PTPRD: variants seen among roughly 807,000 people sequenced by gnomAD.
PTPRD encodes the protein receptor-type tyrosine-protein phosphatase delta.
Under a neutral mutation model 214.5 loss-of-function variants are expected in PTPRD, and 34 were observed. The ratio of observed to expected loss-of-function variants is 0.16; its 90% CI spans 0.12 to 0.21. The LOEUF is 0.21. Among genes scored for constraint, PTPRD ranks in the 10% least tolerant of loss-of-function variants. PTPRD has a pLI of 1.00. For synonymous variants in PTPRD, 1,128 were observed against 845.7 expected (o/e 1.33, Z -5.79); for missense variants, 2,545 against 2,398.7 (o/e 1.06, Z -1.27).
chr9:8,432,837 C>A (rs1378859211), intron 35 of PTPRD, among the ~76,000 whole-genome samples: 1 of 152,186 alleles, frequency 6.6e-6, no homozygotes, highest in African/African-American at 2.4e-5. Flanking sequence ...CATGGATCAT[C>A]ATCATGAACA....
chr9:9,223,197 G>A (rs932170423), intron 9 of PTPRD, among the ~76,000 whole-genome samples: 1 of 151,988 alleles, frequency 6.6e-6, no homozygotes, highest in African/African-American at 2.4e-5. Flanking sequence ...CTGAGTAACT[G>A]AGGAATAGAG....
chr9:8,314,958 T>TAA lies in PTPRD; in HGVS notation c.*2914_*2915dup, dbSNP rs1239734131. The TAA allele has an allele frequency of 8.6e-6, 2 of 232,442 alleles. No homozygotes were observed. Among genetic ancestry groups the TAA allele is most frequent in the African/African-American group, 4.4e-5 (2 of 45,272 alleles). The allele number at this position is 232,442 out of a possible 1,614,324, so 14.4% of individuals were successfully genotyped here. A position where few individuals can be genotyped will look rare whatever the true frequency, so the allele number is the denominator to read the frequency against. ...AATCATTTTTAAAAAAGAGCTAAAA[T>TAA]AAAGTTCTGTACAAATCACTTTTTA... On this transcript the variant is annotated 3_prime_UTR_variant, in exon 46 of 46. Coordinates refer to ENST00000381196, the MANE Select transcript of PTPRD (RefSeq NM_002839.4).
intron 5 of PTPRD, among the ~76,000 whole-genome samples, chr9:9,848,762 C>T (rs1010552188): frequency 1.3e-5 from 2 of 152,040 alleles, no homozygotes; most frequent in Non-Finnish European, 2.9e-5. Context: ...AAAGTGTGCT[C>T]ATGTAGACAG....
chr9:9,511,899 T>C (rs2096718733), intron 8 of PTPRD, among the ~76,000 whole-genome samples: 1 of 151,754 alleles, frequency 6.6e-6, no homozygotes, highest in African/African-American at 2.4e-5. Flanking sequence ...AGCAAATTTT[T>C]CATAGAAGAC....
At chr9:9,299,564 T>A (rs1350826851) in intron 9 of PTPRD, among the ~76,000 whole-genome samples, 1 of 151,760 alleles carries the variant, frequency 6.6e-6, no homozygotes, top group East Asian at 1.9e-4. Context: ...GGACTGCAGA[T>A]TATTTATAAC....
At chr9:8,701,711 G>A (rs957981684) in intron 12 of PTPRD, among the ~76,000 whole-genome samples, 1 of 152,018 alleles carries the variant, frequency 6.6e-6, no homozygotes, top group South Asian at 2.1e-4. Flanking sequence ...GTCACCCTTG[G>A]ATGCCCAATT....
At chr9:8,349,330 A>T (rs1292329741) in intron 39 of PTPRD, among the ~76,000 whole-genome samples, 2 of 152,080 alleles carry the variant, frequency 1.3e-5, no homozygotes, top group Non-Finnish European at 2.9e-5. Context: ...TTTTGTTTGA[A>T]TTTCCAAGTT....
At chr9:9,847,503 C>T (rs34924894) in intron 5 of PTPRD, among the ~76,000 whole-genome samples, 1 of 152,018 alleles carries the variant, frequency 6.6e-6, no homozygotes, top group African/African-American at 2.4e-5. Context: ...TTGAAAATAA[C>T]GTCCCTGTTC....
intron 35 of PTPRD, among the ~76,000 whole-genome samples, chr9:8,435,255 A>G (rs1349673286): frequency 1.3e-5 from 2 of 152,138 alleles, no homozygotes; most frequent in African/African-American, 4.8e-5. Context: ...TCACTGCTCT[A>G]TGTTCTCTTA....
At chr9:9,536,483 T>A (rs1246902859) in intron 8 of PTPRD, among the ~76,000 whole-genome samples, 1 of 152,038 alleles carries the variant, frequency 6.6e-6, no homozygotes, top group Non-Finnish European at 1.5e-5. Flanking sequence ...ATCAGTAATA[T>A]CCATGCATCT....
chr9:9,898,312 G>T (rs1790334553), intron 5 of PTPRD, among the ~76,000 whole-genome samples: 1 of 152,028 alleles, frequency 6.6e-6, no homozygotes, highest in Non-Finnish European at 1.5e-5. Context: ...TCAATGGTAT[G>T]CTAGCCTATT....
chr9:8,422,614 A>C (rs1431852443), intron 35 of PTPRD, among the ~76,000 whole-genome samples: 1 of 152,212 alleles, frequency 6.6e-6, no homozygotes, highest in Non-Finnish European at 1.5e-5. Flanking sequence ...TTCACAGTAG[A>C]AACTTTGTGA....
chr9:9,692,839 G>C (rs2790038), intron 7 of PTPRD, among the ~76,000 whole-genome samples: 96,172 of 151,426 alleles, frequency 0.64, 30,879 homozygotes, highest in East Asian at 0.68. Context: ...CTGTAGAGAT[G>C]TTTTACCTCT....
At chr9:9,211,461 GT>G (rs2132837940) in intron 9 of PTPRD, among the ~76,000 whole-genome samples, 1 of 149,948 alleles carries the variant, frequency 6.7e-6, no homozygotes, top group African/African-American at 2.5e-5. Flanking sequence ...TTCATCACTG[GT>G]TTTCCTTCCT....
chr9:9,213,710 CAT>C (rs1211230901), intron 9 of PTPRD, among the ~76,000 whole-genome samples: 2 of 152,126 alleles, frequency 1.3e-5, no homozygotes, highest in African/African-American at 4.8e-5. Context: ...TTCACATTCA[CAT>C]GAGACACTTT....
At chr9:10,209,961 G>A (rs1223059935) in intron 3 of PTPRD, among the ~76,000 whole-genome samples, 1 of 151,968 alleles carries the variant, frequency 6.6e-6, no homozygotes, top group Non-Finnish European at 1.5e-5. Context: ...GTAACAATCA[G>A]TACCAAGAAT....
intron 2 of PTPRD, among the ~76,000 whole-genome samples, chr9:10,510,782 T>G (rs929498210): frequency 6.6e-5 from 10 of 152,128 alleles, no homozygotes; most frequent in Non-Finnish European, 1.5e-4. Context: ...GTTGCCCTAT[T>G]GTGCTACAAA....
At chr9:8,462,070 C>T (rs1160645664) in intron 32 of PTPRD, among the ~76,000 whole-genome samples, 2 of 151,942 alleles carry the variant, frequency 1.3e-5, no homozygotes, top group Non-Finnish European at 2.9e-5. Context: ...CATTAATGTT[C>T]CTAAACTCAG....
intron 11 of PTPRD, among the ~76,000 whole-genome samples, chr9:8,736,666 G>A (rs2090482385): frequency 6.6e-6 from 1 of 151,814 alleles, no homozygotes. Flanking sequence ...AACTAAAAAG[G>A]AGAGGAATCA....
Sources: gnomAD v4.1 joint callset for allele counts (sites outside exome capture counted in the v4.1 genomes callset) on GRCh38, gnomAD v4.1.1 for gene constraint, MANE v1.5 for transcripts, NCBI Gene and HGNC (gene_info 2026-07-23, HGNC 2026-07-21) for gene names.